The following SPAG16 variants were observed in gnomAD, a reference collection of about 807,000 sequenced individuals.
SPAG16 encodes sperm-associated antigen 16 protein.
A neutral mutation model predicts 80.4 loss-of-function variants in SPAG16; 86 were observed. That is an observed-to-expected ratio of 1.07 (90% confidence interval 0.90 to 1.28). The LOEUF (loss-of-function observed/expected upper bound fraction) is 1.28. SPAG16 is among the 50% of genes most tolerant of loss of function. The pLI is 0.00. For missense variants in SPAG16, 870 were observed against 765.3 expected, an observed-to-expected ratio of 1.14 and a Z score of -1.61; for synonymous variants, 294 against 265.9, an observed-to-expected ratio of 1.11 and a Z score of -1.03.
At position 213,364,102 on chromosome 2, in the gene SPAG16, GA is replaced by G; in HGVS notation, c.792del (p.Lys264AsnfsTer46). On this transcript the variant is annotated frameshift_variant, in exon 8 of 16. Transcript: ENST00000331683. LOFTEE classifies it high-confidence loss of function. ...TTTCTGGACTTCAAGAAACATTGAA[GA>G]AACTGCAAAGAGGACATAGTTACCA... ...QISGLQETLK[K>X]LQRGHSYHGP... The G allele has an allele frequency of 6.6e-7, 1 of 1,522,298 alleles. No homozygotes were observed. Among genetic ancestry groups the G allele is most frequent in the Non-Finnish European group, 8.8e-7 (1 of 1,137,996 alleles). 94.3% of individuals were successfully genotyped at this position (1,522,298 alleles called of 1,614,324 possible). A position where few individuals can be genotyped will look rare whatever the true frequency, so the allele number is the denominator to read the frequency against.
At chr2:214,248,405 C>T (rs1366622441) in intron 15 of SPAG16, among the ~76,000 whole-genome samples, 2 of 151,520 alleles carry the variant, frequency 1.3e-5, no homozygotes, top group Non-Finnish European at 2.9e-5. Flanking sequence ...GCAACTTCCA[C>T]TCCCCAGGTT....
intron 15 of SPAG16, among the ~76,000 whole-genome samples, chr2:214,369,435 A>G (rs1699680038): frequency 6.6e-6 from 1 of 152,120 alleles, no homozygotes; most frequent in Non-Finnish European, 1.5e-5. Context: ...AAGCCACATG[A>G]CATAAATACC....
chr2:213,588,408 A>C (rs1286640629), intron 10 of SPAG16, among the ~76,000 whole-genome samples: 5 of 152,108 alleles, frequency 3.3e-5, no homozygotes, highest in Admixed American at 3.3e-4. Flanking sequence ...GAAAGCTTCA[A>C]AATTATTTTT....
chr2:214,175,204 TA>T (rs2057028359), intron 15 of SPAG16, among the ~76,000 whole-genome samples: 1 of 135,392 alleles, frequency 7.4e-6, no homozygotes, highest in South Asian at 2.3e-4. Context: ...GAAATATATA[TA>T]TATATAAAGA....
intron 6 of SPAG16, among the ~76,000 whole-genome samples, chr2:213,342,364 CAT>C (rs1466315804): frequency 7.6e-6 from 1 of 132,174 alleles, no homozygotes; most frequent in East Asian, 2.2e-4. Flanking sequence ...ATATATATTA[CAT>C]ATATATGTAT....
intron 9 of SPAG16, among the ~76,000 whole-genome samples, chr2:213,430,646 A>G (rs1114610): frequency 0.26 from 39,810 of 152,116 alleles, 6,045 homozygotes; most frequent in Middle Eastern, 0.44. Flanking sequence ...CAAAAAGTTT[A>G]GAAAACCTAT....
intron 14 of SPAG16, among the ~76,000 whole-genome samples, chr2:214,113,993 T>C (rs1020460826): frequency 7.2e-5 from 11 of 152,234 alleles, no homozygotes; most frequent in African/African-American, 2.7e-4. Context: ...GTCGGTGACC[T>C]GCAGATGGGG....
chr2:213,375,593 G>C (rs1465226226), intron 9 of SPAG16, among the ~76,000 whole-genome samples: 1 of 151,906 alleles, frequency 6.6e-6, no homozygotes, highest in Non-Finnish European at 1.5e-5. Flanking sequence ...ATCTTTGCCA[G>C]TGATTAAAGA....
intron 11 of SPAG16, among the ~76,000 whole-genome samples, chr2:213,868,722 AG>A (rs1008519237): frequency 3.9e-5 from 6 of 152,294 alleles, no homozygotes; most frequent in Admixed American, 3.3e-4. Flanking sequence ...ACAATTTCAC[AG>A]TGCCACATTT....
rs542318140 is a variant in SPAG16, at chr2:213,811,559, A to G, written c.1071-50926A>G. On this transcript the variant is annotated intron_variant, in intron 10 of 15. Coordinates refer to ENST00000331683, the MANE Select transcript of SPAG16 (RefSeq NM_024532.5). ...TTGTTTTTCTTCTCTATTCCTCACC[A>G]TGTTTCTTCTATACCCCTGTACATT... Among the ~76,000 whole-genome samples the G allele has an allele frequency of 2.1e-3, 323 of 152,222 alleles. 3 individuals carry two copies. In the South Asian group the frequency reaches 0.026, roughly 12 times the overall value.
chr2:213,520,691 T>C (rs2075627516), intron 10 of SPAG16, among the ~76,000 whole-genome samples: 1 of 152,288 alleles, frequency 6.6e-6, no homozygotes, highest in Admixed American at 6.5e-5. Context: ...CTAATTGCTC[T>C]GTTCATAAAC....
rs565105873 is a variant in SPAG16 at position 213,872,886 on chromosome 2, G to C, written c.1214+10258G>C. Among the ~76,000 whole-genome samples the C allele has an allele frequency of 2.0e-5, 3 of 152,154 alleles. No homozygotes were observed. In the East Asian group the frequency reaches 5.8e-4, roughly 29 times the overall value. On this transcript the variant is annotated intron_variant, in intron 11 of 15. Coordinates refer to ENST00000331683, the MANE Select transcript of SPAG16 (RefSeq NM_024532.5). Reference sequence around the variant, plus strand: ...TTCTATCAGTGTGGCCTATTACATTGATTTTTGTATGTTGAACCAACCTTG... The same window carrying C: ...TTCTATCAGTGTGGCCTATTACATTCATTTTTGTATGTTGAACCAACCTTG...
At chr2:213,716,424 C>A (rs544370837) in intron 10 of SPAG16, among the ~76,000 whole-genome samples, 5 of 152,216 alleles carry the variant, frequency 3.3e-5, no homozygotes, top group African/African-American at 1.2e-4. Flanking sequence ...ATTCTAGAGG[C>A]AAACTCAGAA....
In SPAG16 at chr2:213,980,712, G is replaced by GTGTGTATATATATATATATATA. The variant is rs1469351640; in HGVS notation, c.1401-33238_1401-33237insGTGTATATATATATATATATAT. 7.9e-4 allele frequency among the ~76,000 whole-genome samples: 90 copies of GTGTGTATATATATATATATATA among 113,962 alleles called. 2 individuals carry two copies. The highest frequency in any genetic ancestry group is 1.3e-3 in the Non-Finnish European group (75 of 58,960). 74.8% of individuals were successfully genotyped at this position (113,962 alleles called of 152,430 possible). ...ATAGAATATATGTGTGTGTGTGTGT[G>GTGTGTATATATATATATATATA]TATATATATATATAGAGAGAGAGAG... is the stretch of plus-strand genomic sequence containing the variant. On this transcript the variant is annotated intron_variant, in intron 12 of 15. Transcript: ENST00000331683.
chr2:214,218,315 C>G (rs1559136089), intron 15 of SPAG16, among the ~76,000 whole-genome samples: 1 of 152,116 alleles, frequency 6.6e-6, no homozygotes, highest in Non-Finnish European at 1.5e-5. Flanking sequence ...AGTCCTGAAG[C>G]CACCCTTGAG....
At chr2:214,012,310 C>T (rs13394975) in intron 12 of SPAG16, among the ~76,000 whole-genome samples, 32,617 of 54,736 alleles carry the variant, frequency 0.6, 9,274 homozygotes, top group South Asian at 0.79. Context: ...TTTTTTTTTT[C>T]CTCGAGAGGG....
intron 13 of SPAG16, among the ~76,000 whole-genome samples, chr2:214,028,735 T>C (rs1277520224): frequency 6.6e-6 from 1 of 152,026 alleles, no homozygotes; most frequent in Non-Finnish European, 1.5e-5. Flanking sequence ...CTATAGTATC[T>C]GTGAAAAAAA....
At chr2:213,315,699 T>C (rs1477146782) in intron 4 of SPAG16, among the ~76,000 whole-genome samples, 1 of 152,004 alleles carries the variant, frequency 6.6e-6, no homozygotes, top group African/African-American at 2.4e-5. Flanking sequence ...GAAAACTTTT[T>C]TTTTTTTAAT....
intron 10 of SPAG16, among the ~76,000 whole-genome samples, chr2:213,847,755 T>G (rs973922114): frequency 1.3e-5 from 2 of 152,112 alleles, no homozygotes; most frequent in African/African-American, 4.8e-5. Context: ...AACAAGCAGA[T>G]TAAGGAGAGA....
Sources: allele counts gnomAD v4.1 joint callset (sites outside exome capture counted in the v4.1 genomes callset), GRCh38; gene constraint gnomAD v4.1.1; transcripts MANE v1.5; gene names NCBI Gene and HGNC (gene_info 2026-07-23, HGNC 2026-07-21).